Variants in IREB2 observed in about 807,000 individuals in gnomAD.
The protein encoded by IREB2 is iron-responsive element-binding protein 2.
IREB2 carries 39 observed loss-of-function variants against 118.8 expected under a neutral mutation model. That is an observed-to-expected ratio of 0.33 (90% CI 0.25 to 0.43). IREB2 has a LOEUF of 0.43. Ranked by LOEUF, IREB2 falls within the 20% of genes least tolerant of loss-of-function variation. The pLI is 1.00. For missense variants in IREB2, 900 were observed against 1,147.3 expected (o/e 0.78, Z 3.11); for synonymous variants, 372 against 392.2 (o/e 0.95, Z 0.61).
chr15:78,474,976 A>AC (rs1437885629), intron 8 of IREB2: 3 of 149,410 alleles, frequency 2.0e-5, no homozygotes, highest in African/African-American at 7.5e-5. Context: ...AATGGCGTGA[A>AC]CCCGGGAGGC....
At position 78,456,204 on chromosome 15, in the gene IREB2, T is replaced by A. The variant is rs144853770; in HGVS notation, c.107-6718T>A. On this transcript the variant is annotated intron_variant, in intron 2 of 21. Transcript: ENST00000258886. ...GTATTATTGGTATCATCTTGGAGAT[T>A]GGCTACCACAGGGAGAAATAAGAAA... Among the ~76,000 whole-genome samples, 1,470 of 152,332 alleles carry A rather than the reference T, an allele frequency of 9.6e-3. 27 individuals carry two copies. The highest frequency in any genetic ancestry group is 0.034 in the African/African-American group (1,403 of 41,562).
At chr15:78,464,090 A>C (rs2051241756) in intron 3 of IREB2, among the ~76,000 whole-genome samples, 1 of 152,192 alleles carries the variant, frequency 6.6e-6, no homozygotes, top group Non-Finnish European at 1.5e-5. Context: ...TTGTGGTTCT[A>C]GTCCCATTCT....
Position 78,439,811 on chromosome 15 carries a change from C to A in IREB2, c.36C>A (p.Tyr12Ter). Residue 12 changes from tyrosine to a stop codon, truncating the protein, a stop_gained, in exon 2 of 22, where the codon TAC becomes TAA. Coordinates refer to ENST00000258886, the MANE Select transcript of IREB2 (RefSeq NM_004136.4). LOFTEE classifies it high-confidence loss of function. ...DAPKAGYAFE[Y>*]LIETLNDSSH... is the part of the protein sequence containing the mutation. ...TTTTTTCAGGATACGCCTTTGAGTA[C>A]CTTATTGAAACATTAAATGACAGTT... The A allele has an allele frequency of 6.3e-7, 1 of 1,591,522 alleles. No individual in the cohort carries two copies. Among genetic ancestry groups the A allele is most frequent in the Non-Finnish European group, 8.6e-7 (1 of 1,166,970 alleles).
chr15:78,469,105 A>G (rs934617936), intron 5 of IREB2, among the ~76,000 whole-genome samples: 1 of 152,224 alleles, frequency 6.6e-6, no homozygotes, highest in African/African-American at 2.4e-5. Context: ...ATTATATTGT[A>G]GTTCCTGGCT....
At chr15:78,442,242 AATAATTAC>A (rs1439342393) in intron 2 of IREB2, among the ~76,000 whole-genome samples, 1 of 147,762 alleles carries the variant, frequency 6.8e-6, no homozygotes, top group Non-Finnish European at 1.5e-5. Context: ...GTTATTAAGT[AATAATTAC>A]TTAAGTAATT....
At chr15:78,473,558 A>G in intron 8 of IREB2, 177 bp downstream of exon 8, 1 of 573,960 alleles carries the variant, frequency 1.7e-6, no homozygotes, top group Non-Finnish European at 3.1e-6. Flanking sequence ...GTTTGTACTA[A>G]TAAATACAAA....
chr15:78,446,302 T>C (rs1298189733), intron 2 of IREB2, among the ~76,000 whole-genome samples: 1 of 152,190 alleles, frequency 6.6e-6, no homozygotes, highest in African/African-American at 2.4e-5. Context: ...TACTAGTCCA[T>C]GTATAGCCAT....
At chr15:78,437,872 C>G (rs939264389), upstream of IREB2, among the ~76,000 whole-genome samples, 3 of 152,236 alleles carry the variant, frequency 2.0e-5, no homozygotes, top group African/African-American at 7.2e-5. Context: ...TCTCCTTGAG[C>G]TCTTTCTCCT....
intron 3 of IREB2, 146 bp from the exon 4 acceptor site, chr15:78,465,105 C>T (rs985058278): frequency 1.6e-6 from 1 of 636,190 alleles, no homozygotes; most frequent in Non-Finnish European, 2.6e-6. Flanking sequence ...AAACAGGATA[C>T]TCCTAACTTA....
chr15:78,443,651 T>C (rs888980989), intron 2 of IREB2, among the ~76,000 whole-genome samples: 1 of 152,088 alleles, frequency 6.6e-6, no homozygotes. Context: ...TGTTTTATTT[T>C]GTTTTGTTTT....
intron 13 of IREB2, among the ~76,000 whole-genome samples, chr15:78,486,076 C>G (rs937358375): frequency 4.6e-5 from 7 of 152,176 alleles, no homozygotes; most frequent in African/African-American, 1.7e-4. Flanking sequence ...GTGGTCTTAG[C>G]TTCAAGATAC....
In IREB2 at chr15:78,470,615, A is replaced by G; in HGVS notation, c.699+14A>G. On this transcript the variant is annotated intron_variant, in intron 6 of 21. Coordinates refer to ENST00000258886, the MANE Select transcript of IREB2 (RefSeq NM_004136.4). ...CAGTTTTTTAAGGTATAAATGATTCAGGGAAATTTTTGTATTGTAATATAT... is the reference window on the plus strand; with the variant it reads ...CAGTTTTTTAAGGTATAAATGATTCGGGGAAATTTTTGTATTGTAATATAT... 3 of 1,502,568 alleles carry G rather than the reference A, an allele frequency of 2.0e-6. No individual in the cohort carries two copies. The highest frequency in any genetic ancestry group is 2.7e-6 in the Non-Finnish European group (3 of 1,096,330). 93.1% of individuals were successfully genotyped at this position (1,502,568 alleles called of 1,614,324 possible).
chr15:78,442,415 G>T lies in IREB2; in HGVS notation c.106+2534G>T, dbSNP rs187664931. Among the ~76,000 whole-genome samples the T allele has an allele frequency of 2.0e-5, 3 of 152,318 alleles. No homozygotes were observed. The East Asian group carries it at 5.8e-4, about 29-fold the overall frequency. ...CCTCCTAGACATATGCTTACAAGAA[G>T]ACATTGCTTTGGTAGTCACCAAGGT... On this transcript the variant is annotated intron_variant, in intron 2 of 21. Coordinates refer to ENST00000258886, the MANE Select transcript of IREB2 (RefSeq NM_004136.4).
chr15:78,490,823 T>C (rs2051738789), intron 18 of IREB2, 62 bp downstream of exon 18: 2 of 1,465,970 alleles, frequency 1.4e-6, no homozygotes, highest in African/African-American at 1.4e-5. Context: ...TTAAGAGGCT[T>C]CTATTGGTCT....
At chr15:78,451,406 TC>T (rs1357218070) in intron 2 of IREB2, among the ~76,000 whole-genome samples, 1 of 152,200 alleles carries the variant, frequency 6.6e-6, no homozygotes, top group Non-Finnish European at 1.5e-5. Context: ...CAAGAGTTTT[TC>T]TGCAAGCAAC....
At position 78,487,932 on chromosome 15, in the gene IREB2, G is replaced by C; in HGVS notation, c.1794+115G>C. The C allele has an allele frequency of 8.6e-6, 6 of 696,556 alleles. No individual in the cohort carries two copies. The South Asian group carries it at 1.2e-4, about 14-fold the overall frequency. The allele number at this position is 696,556 out of a possible 1,614,324, so 43.1% of individuals were successfully genotyped here. ...TATTTCTGTAAACTCTGCACCTCTT[G>C]GCAATAGTAACCTGTGAATCTTTAA... is the stretch of plus-strand genomic sequence containing the variant. On this transcript the variant is annotated intron_variant, in intron 14 of 21. Transcript: ENST00000258886.
At chr15:78,459,966 G>A (rs1446913159) in intron 2 of IREB2, among the ~76,000 whole-genome samples, 2 of 152,132 alleles carry the variant, frequency 1.3e-5, no homozygotes, top group Non-Finnish European at 2.9e-5. Context: ...TAGAGCTAGA[G>A]GTTTAATTAG....
chr15:78,492,753 T>C (rs2051772956), intron 18 of IREB2, among the ~76,000 whole-genome samples: 1 of 152,032 alleles, frequency 6.6e-6, no homozygotes, highest in Non-Finnish European at 1.5e-5. Context: ...AGAGATGAGA[T>C]CTCCCTTTGT....
In IREB2 at chr15:78,500,578, A is replaced by T. The variant is rs1034135632; in HGVS notation, c.*2435A>T. On this transcript the variant is annotated 3_prime_UTR_variant, in exon 22 of 22. Coordinates refer to ENST00000258886, the MANE Select transcript of IREB2 (RefSeq NM_004136.4). ...AAAAAGGAAGTGTAATGTCAGACAC[A>T]CAAGAAAAGCAAATCAGTGTTGTAA... is the stretch of plus-strand genomic sequence containing the variant. The T allele has an allele frequency of 9.2e-5, 14 of 151,398 alleles. No homozygotes were observed. The highest frequency in any genetic ancestry group is 2.1e-4 in the South Asian group (1 of 4,820). 9.4% of individuals were successfully genotyped at this position (151,398 alleles called of 1,614,324 possible). A position where few individuals can be genotyped will look rare whatever the true frequency, so the allele number is the denominator to read the frequency against.
Sources: gnomAD v4.1 joint callset for allele counts (sites outside exome capture counted in the v4.1 genomes callset) on GRCh38, gnomAD v4.1.1 for gene constraint, MANE v1.5 for transcripts, NCBI Gene and HGNC (gene_info 2026-07-23, HGNC 2026-07-21) for gene names.